Variants in DMRT1 observed in about 807,000 individuals in gnomAD.
DMRT1 encodes doublesex and mab-3 related transcription factor 1.
In DMRT1, 7 loss-of-function variants were observed where a neutral mutation model predicts 32.3. That is an observed-to-expected ratio of 0.22 (90% CI 0.12 to 0.41). The LOEUF is 0.41. DMRT1 is among the 10% of genes least tolerant of loss of function. The pLI, the probability that DMRT1 is intolerant of heterozygous loss-of-function variation, is 1.00. For synonymous variants in DMRT1, 278 were observed against 206.1 expected (o/e 1.35, Z -2.99); for missense variants, 625 against 500.5 (o/e 1.25, Z -2.37).
intron 3 of DMRT1, among the ~76,000 whole-genome samples, chr9:906,730 A>G (rs148083559): frequency 0.025 from 3,796 of 152,344 alleles, 77 homozygotes; most frequent in Middle Eastern, 0.065. Context: ...CTCCAGAAGT[A>G]GAGACAATGC....
rs562289188 is a variant in DMRT1 at position 947,028 on chromosome 9, T to G, written c.968-20957T>G. ...TTTGACCAGTTACATGATTGGCAGT[T>G]TATTATGAGGCAGAGGCTGTCATTA... On this transcript the variant is annotated intron_variant, in intron 4 of 4. Transcript: ENST00000382276. 1.9e-4 allele frequency among the ~76,000 whole-genome samples: 29 copies of G among 152,314 alleles called. No individual in the cohort carries two copies. The East Asian group carries it at 2.5e-3, about 13-fold the overall frequency.
In DMRT1 at chr9:956,210, C is replaced by T. The variant is rs993992785; in HGVS notation, c.968-11775C>T. Among the ~76,000 whole-genome samples the T allele has an allele frequency of 5.8e-4, 88 of 152,118 alleles. 1 individual carries two copies. The highest frequency in any genetic ancestry group is 1.8e-4 in the Non-Finnish European group (12 of 68,038). ...TGTATGAGTCCATTTATATGAGGTA[C>T]CTACAGTAGTCAAAATCATAGAGCC... On this transcript the variant is annotated intron_variant, in intron 4 of 4. Coordinates refer to ENST00000382276, the MANE Select transcript of DMRT1 (RefSeq NM_021951.3).
intron 4 of DMRT1, among the ~76,000 whole-genome samples, chr9:921,003 G>T (rs919509842): frequency 2.6e-5 from 4 of 152,122 alleles, no homozygotes; most frequent in African/African-American, 9.7e-5. Context: ...TTTTCTAGTA[G>T]CCTATTTTTT....
chr9:887,493 C>T (rs1386119457), intron 2 of DMRT1, among the ~76,000 whole-genome samples: 1 of 152,222 alleles, frequency 6.6e-6, no homozygotes, highest in Non-Finnish European at 1.5e-5. Flanking sequence ...CATTCAGGGT[C>T]TTCAGCAATT....
intron 4 of DMRT1, among the ~76,000 whole-genome samples, chr9:921,648 A>G (rs991503326): frequency 6.6e-6 from 1 of 152,116 alleles, no homozygotes. Context: ...CCTTGCCAAC[A>G]CTTGTTTTCC....
chr9:962,171 C>T (rs1819794958), intron 4 of DMRT1, among the ~76,000 whole-genome samples: 1 of 152,160 alleles, frequency 6.6e-6, no homozygotes, highest in African/African-American at 2.4e-5. Flanking sequence ...ATGCGACACC[C>T]CTGGACGGGA....
intron 2 of DMRT1, among the ~76,000 whole-genome samples, chr9:874,371 G>A (rs12376732): frequency 0.51 from 77,654 of 152,026 alleles, 20,039 homozygotes; most frequent in Middle Eastern, 0.56. Context: ...GTCCCTTTTT[G>A]TATCTAGATC....
At chr9:845,325 G>A (rs968271383) in intron 1 of DMRT1, among the ~76,000 whole-genome samples, 5 of 151,464 alleles carry the variant, frequency 3.3e-5, no homozygotes, top group Admixed American at 6.6e-5. Context: ...TTCTCCTCTC[G>A]GCCTCCTGAG....
In DMRT1 at chr9:893,923, G is replaced by A; in HGVS notation, c.550G>A (p.Val184Ile). 1 of 1,614,018 alleles carries A rather than the reference G, an allele frequency of 6.2e-7. No individual in the cohort carries two copies. Among genetic ancestry groups the A allele is most frequent in the Non-Finnish European group, 8.5e-7 (1 of 1,179,994 alleles). Reference protein sequence around the residue: ...PTTAASEGRMVIQDIPAVTSR... With the variant: ...PTTAASEGRMIIQDIPAVTSR... ...TTCTTCCAATTTAGAGGGACGTATG[G>A]TCATCCAGGATATTCCTGCTGTCAC... is the stretch of plus-strand genomic sequence containing the variant. Residue 184 changes from valine to isoleucine, a missense_variant, in exon 3 of 5, where the codon GTC becomes ATC. Val to Ile is a conservative substitution (Grantham distance 29, BLOSUM62 3). Around this residue, in one of 3 missense-constraint regions of DMRT1, gnomAD observed 416 missense variants for 321.6 expected, o/e 1.29. Transcript: ENST00000382276.
Position 862,898 on chromosome 9 carries a change from G to C in DMRT1, c.538+15755G>C, listed in dbSNP as rs562409454. 4.6e-5 allele frequency among the ~76,000 whole-genome samples: 7 copies of C among 152,226 alleles called. No homozygotes were observed. The South Asian group carries it at 1.0e-3, about 23-fold the overall frequency. Reference sequence around the variant, plus strand: ...GCCTGTGCCCTAATCCCTGCAACCTGTGAAGTTGGTACCTTACATGGCAGA... The same window carrying C: ...GCCTGTGCCCTAATCCCTGCAACCTCTGAAGTTGGTACCTTACATGGCAGA... On this transcript the variant is annotated intron_variant, in intron 2 of 4. Transcript: ENST00000382276.
intron 4 of DMRT1, among the ~76,000 whole-genome samples, chr9:951,505 A>G (rs928862279): frequency 6.6e-6 from 1 of 152,226 alleles, no homozygotes; most frequent in Non-Finnish European, 1.5e-5. Flanking sequence ...ATGACACTTC[A>G]GCAATTTGCC....
chr9:879,951 T>G (rs1816664258), intron 2 of DMRT1, among the ~76,000 whole-genome samples: 1 of 152,370 alleles, frequency 6.6e-6, no homozygotes, highest in Non-Finnish European at 1.5e-5. Flanking sequence ...CTTGTTAGAA[T>G]AATCTTCAAG....
Position 893,864 on chromosome 9 carries a change from G to C in DMRT1, c.539-48G>C, listed in dbSNP as rs1046675272. 3.2e-6 allele frequency: 5 copies of C among 1,570,852 alleles called. No homozygotes were observed. The African/African-American group carries it at 6.7e-5, about 21-fold the overall frequency. On this transcript the variant is annotated intron_variant, in intron 2 of 4. Coordinates refer to ENST00000382276, the MANE Select transcript of DMRT1 (RefSeq NM_021951.3). Reference sequence around the variant, plus strand: ...GAAGGTTTAGAAGTAAAGTTTCGTGGACTAACATTAATACCATGTTGTATT... The same window carrying C: ...GAAGGTTTAGAAGTAAAGTTTCGTGCACTAACATTAATACCATGTTGTATT...
chr9:962,155 C>T (rs574340426), intron 4 of DMRT1, among the ~76,000 whole-genome samples: 1 of 152,316 alleles, frequency 6.6e-6, no homozygotes, highest in East Asian at 1.9e-4. Flanking sequence ...TTGCGTGTAT[C>T]ACCAAATGCG....
chr9:923,605 G>C lies in DMRT1; in HGVS notation c.967+6698G>C, dbSNP rs562700129. On this transcript the variant is annotated intron_variant, in intron 4 of 4. Transcript: ENST00000382276. ...GAGGGCTGTGTGGGCATTTCACATA[G>C]CTCTTCTTGTAGGGGAGAACGATGC... 2.8e-4 allele frequency among the ~76,000 whole-genome samples: 42 copies of C among 152,306 alleles called. No individual in the cohort carries two copies. In the Middle Eastern group the frequency reaches 0.01, roughly 37 times the overall value.
At chr9:930,459 T>C (rs946038261) in intron 4 of DMRT1, among the ~76,000 whole-genome samples, 3 of 152,088 alleles carry the variant, frequency 2.0e-5, no homozygotes, top group South Asian at 2.1e-4. Context: ...TCGCCCAGGC[T>C]GGAGTGCAGT....
chr9:899,075 ATGCTAACTAATTTT>A (rs1018871976), intron 3 of DMRT1, among the ~76,000 whole-genome samples: 1 of 152,122 alleles, frequency 6.6e-6, no homozygotes, highest in Non-Finnish European at 1.5e-5. Context: ...ATGTATAGAA[ATGCTAACTAATTTT>A]TGTATGTTGA....
At chr9:917,688 G>C (rs576435105) in intron 4 of DMRT1, among the ~76,000 whole-genome samples, 1 of 152,284 alleles carries the variant, frequency 6.6e-6, no homozygotes, top group Admixed American at 6.5e-5. Context: ...CTAAATAAAA[G>C]GATATGTTCA....
At chr9:897,049 C>CA (rs1364182693) in intron 3 of DMRT1, among the ~76,000 whole-genome samples, 2 of 151,478 alleles carry the variant, frequency 1.3e-5, no homozygotes, top group Non-Finnish European at 2.9e-5. Flanking sequence ...CCCTGAGCTA[C>CA]AAATTTTCTT....
Sources: gnomAD v4.1 joint callset for allele counts (sites outside exome capture counted in the v4.1 genomes callset) on GRCh38, gnomAD v4.1.1 for gene constraint, gnomAD v4.1.1 regional missense constraint, MANE v1.5 for transcripts, NCBI Gene and HGNC (gene_info 2026-07-23, HGNC 2026-07-21) for gene names.